SLX4: variants seen among roughly 807,000 people sequenced by gnomAD.
The protein encoded by SLX4 is structure-specific endonuclease subunit SLX4.
SLX4 carries 112 observed loss-of-function variants against 146.2 expected under a neutral mutation model. The observed-to-expected ratio is 0.77, with a 90% CI of 0.66 to 0.90. The LOEUF (loss-of-function observed/expected upper bound fraction) is 0.90. Among genes scored for constraint, SLX4 ranks in the 40% least tolerant of loss-of-function variants. SLX4 has a pLI of 0.00. For missense variants in SLX4, 2,563 were observed against 2,392.7 expected (o/e 1.07, Z -1.49); for synonymous variants, 1,061 against 997.7 (o/e 1.06, Z -1.20).
At position 3,594,602 on chromosome 16, in the gene SLX4, G is replaced by A. The variant is rs376615923; in HGVS notation, c.2014-3C>T. On this transcript the variant is annotated splice_polypyrimidine_tract_variant and splice_region_variant and intron_variant, in intron 9 of 14. Coordinates refer to ENST00000294008, the MANE Select transcript of SLX4 (RefSeq NM_032444.4). ...GCAACCAGCAGCCCGAGGGAGAGCTGAAGCAGGAGGAGAGGAAGAGCCGTC... is the reference window on the plus strand; with the variant it reads ...GCAACCAGCAGCCCGAGGGAGAGCTAAAGCAGGAGGAGAGGAAGAGCCGTC... The A allele has an allele frequency of 3.1e-5, 50 of 1,613,920 alleles. No individual in the cohort carries two copies. Among genetic ancestry groups the A allele is most frequent in the Middle Eastern group, 3.3e-4 (2 of 6,078 alleles).
Position 3,589,020 on chromosome 16 carries a change from C to G in SLX4, c.4618G>C (p.Glu1540Gln). Residue 1540 changes from glutamate to glutamine, a missense_variant, in exon 12 of 15, where the codon GAA becomes CAA. Coordinates refer to ENST00000294008, the MANE Select transcript of SLX4 (RefSeq NM_032444.4). The surrounding 1 kb of genome is among the most constrained non-coding windows in gnomAD (Gnocchi z 6.2). ...MPSAGGAQKP[E>Q]GLETPKGANR... ...TACTCACTGGGTGTCTCTAACCCTT[C>G]GGGCTTCTGAGCTCCACCAGCGCTT... 6.2e-7 allele frequency: 1 copy of G among 1,614,130 alleles called. No individual in the cohort carries two copies. Among genetic ancestry groups the G allele is most frequent in the Non-Finnish European group, 8.5e-7 (1 of 1,180,040 alleles).
intron 3 of SLX4, among the ~76,000 whole-genome samples, chr16:3,603,593 T>C (rs1159701617): frequency 6.6e-6 from 1 of 152,374 alleles, no homozygotes; most frequent in East Asian, 1.9e-4. Context: ...TGCAATGCAA[T>C]GCCAAGATCC....
Position 3,597,493 on chromosome 16 carries a change from A to G in SLX4, c.1569T>C (p.Pro523=), listed in dbSNP as rs2151131241. 1.9e-6 allele frequency: 3 copies of G among 1,614,040 alleles called. No individual in the cohort carries two copies. The East Asian group carries it at 6.7e-5, about 36-fold the overall frequency. Residue 523 remains proline, a synonymous_variant, in exon 7 of 15, where the codon CCT becomes CCC. Coordinates refer to ENST00000294008, the MANE Select transcript of SLX4 (RefSeq NM_032444.4). The surrounding 1 kb of genome is among the most constrained non-coding windows in gnomAD (Gnocchi z 4.4). ...WERAGQCPPP[P]ERKQSFLWEG... is the part of the protein sequence containing the mutation. ...CCCACAGAAAGCTCTGCTTGCGTTC[A>G]GGTGGAGGAGGACACTGGCCCGCTC...
At position 3,597,600 on chromosome 16, in the gene SLX4, C is replaced by T. The variant is rs2040677379; in HGVS notation, c.1462G>A (p.Ala488Thr). 7 of 1,614,008 alleles carry T rather than the reference C, an allele frequency of 4.3e-6. No homozygotes were observed. Among genetic ancestry groups the T allele is most frequent in the Non-Finnish European group, 5.9e-6 (7 of 1,180,044 alleles). Reference protein sequence around the residue: ...TTGRQIEDRVALLLSEEVELS... With the variant: ...TTGRQIEDRVTLLLSEEVELS... ...TCCACTTCCTCAGAGAGGAGCAGGG[C>T]CACACGGTCCTCTATCTGTCGGCCT... The change falls in exon 7 of 15, where the codon GCC becomes ACC. Residue 488 changes from alanine (A) to threonine (T), a missense_variant. Ala to Thr is a moderately conservative substitution (Grantham distance 58). Coordinates refer to ENST00000294008, the MANE Select transcript of SLX4 (RefSeq NM_032444.4). This position sits in a 1 kb window ranked among gnomAD's most constrained non-coding sequence, Gnocchi z 4.4.
Position 3,597,947 on chromosome 16 carries a change from C to G in SLX4, c.1216G>C (p.Glu406Gln), listed in dbSNP as rs779596439. The change falls in exon 6 of 15, where the codon GAG becomes CAG. Residue 406 changes from glutamate to glutamine, a missense_variant. Physicochemically the swap from Glu to Gln is conservative, Grantham distance 29. Coordinates refer to ENST00000294008, the MANE Select transcript of SLX4 (RefSeq NM_032444.4). The surrounding 1 kb of genome is among the most constrained non-coding windows in gnomAD (Gnocchi z 4.4). ...LKRRGPTSKKEPRKRRKVDEA... is the reference protein window; with the variant it reads ...LKRRGPTSKKQPRKRRKVDEA... ...TCCACCTTCCGCCTCTTCCGTGGCT[C>G]CTTCTTGCTGGTGGGTCCTCTCCGT... is the stretch of plus-strand genomic sequence containing the variant. 10 of 1,614,026 alleles carry G rather than the reference C, an allele frequency of 6.2e-6. No individual in the cohort carries two copies. The African/African-American group carries it at 9.3e-5, about 15-fold the overall frequency.
chr16:3,596,393 C>A lies in SLX4; in HGVS notation c.1684G>T (p.Gly562Cys), dbSNP rs1212409770. The change falls in exon 8 of 15, where the codon GGC (glycine) becomes TGC (cysteine). Residue 562 changes from glycine (G) to cysteine (C), a missense_variant and splice_region_variant. By Grantham distance (159) the Gly-to-Cys change is radical (BLOSUM62 -3). Transcript: ENST00000294008. ...GGCGGCACGGGCTCCTGCATAAGGC[C>A]CTGAAAGAAGCCAGTAAGGAGAGTG... ...PPLVPQRPAQ[G>C]LMQEPVPPLV... The A allele has an allele frequency of 6.3e-7, 1 of 1,590,474 alleles. No homozygotes were observed.
In SLX4 at chr16:3,589,130, G is replaced by C. The variant is rs370637700; in HGVS notation, c.4508C>G (p.Pro1503Arg). ...SGAGSLGNSR[P>R]SFLNSALWDV... ...CCACAGAGCCGAATTCAGAAAGCTC[G>C]GCCTGCTATTCCCCAGGGAGCCCGC... The change falls in exon 12 of 15, where the codon CCG (proline) becomes CGG (arginine). Residue 1503 changes from proline (P) to arginine (R), a missense_variant. Physicochemically the swap from Pro to Arg is moderately radical, Grantham distance 103 (BLOSUM62 -2). Coordinates refer to ENST00000294008, the MANE Select transcript of SLX4 (RefSeq NM_032444.4). This position sits in a 1 kb window ranked among gnomAD's most constrained non-coding sequence, Gnocchi z 6.2. The C allele has an allele frequency of 6.2e-7, 1 of 1,614,048 alleles. No individual in the cohort carries two copies. The highest frequency in any genetic ancestry group is 2.2e-5 in the East Asian group (1 of 44,878).
rs2151134853 is a variant in SLX4 at position 3,602,155 on chromosome 16, C to A, written c.913G>T (p.Ala305Ser). 6.2e-7 allele frequency: 1 copy of A among 1,614,150 alleles called. No homozygotes were observed. The highest frequency in any genetic ancestry group is 1.1e-5 in the South Asian group (1 of 91,092). Residue 305 changes from alanine to serine, a missense_variant, in exon 4 of 15, where the codon GCC becomes TCC. Ala to Ser is a moderately conservative substitution (Grantham distance 99, BLOSUM62 1). Coordinates refer to ENST00000294008, the MANE Select transcript of SLX4 (RefSeq NM_032444.4). ...FCQICQKNLS[A>S]MNVTRREQHV... ...TGTTCCCTTCGGGTCACGTTCATGGCTGAGAGGTTCTTTTGACAAATCTGG... is the reference window on the plus strand; with the variant it reads ...TGTTCCCTTCGGGTCACGTTCATGGATGAGAGGTTCTTTTGACAAATCTGG...
chr16:3,593,994 C>G (rs1247693273), intron 10 of SLX4, among the ~76,000 whole-genome samples: 1 of 152,130 alleles, frequency 6.6e-6, no homozygotes, highest in Non-Finnish European at 1.5e-5. Flanking sequence ...GCCTCAGCCT[C>G]CCGAGTAGCT....
chr16:3,604,673 T>C (rs1056828446), intron 3 of SLX4, among the ~76,000 whole-genome samples: 3 of 151,728 alleles, frequency 2.0e-5, no homozygotes, highest in Non-Finnish European at 4.4e-5. Flanking sequence ...ATACAAAAAT[T>C]AGCTGGACGT....
In SLX4 at chr16:3,597,246, C is replaced by T; in HGVS notation, c.1683+133G>A. On this transcript the variant is annotated intron_variant, in intron 7 of 14. Transcript: ENST00000294008. The surrounding 1 kb of genome is among the most constrained non-coding windows in gnomAD (Gnocchi z 4.4). ...AGAAAGCTGCAGCCACCAAGTGCCCCTCTGGCCTCCTCCCGCCTCTGCCTT... is the reference window on the plus strand; with the variant it reads ...AGAAAGCTGCAGCCACCAAGTGCCCTTCTGGCCTCCTCCCGCCTCTGCCTT... 1 of 1,036,764 alleles carries T rather than the reference C, an allele frequency of 9.6e-7. No homozygotes were observed. The highest frequency in any genetic ancestry group is 1.4e-6 in the Non-Finnish European group (1 of 732,976). 64.2% of individuals were successfully genotyped at this position (1,036,764 alleles called of 1,614,324 possible).
chr16:3,583,023 A>C, intron 14 of SLX4, 74 bp downstream of exon 14: 1 of 1,566,138 alleles, frequency 6.4e-7, no homozygotes, highest in Admixed American at 1.7e-5. Flanking sequence ...ATTAGGTCTC[A>C]CTCGTGCCAA....
intron 3 of SLX4, among the ~76,000 whole-genome samples, chr16:3,604,682 G>A (rs546918268): frequency 6.6e-6 from 1 of 151,972 alleles, no homozygotes; most frequent in East Asian, 2.0e-4. Flanking sequence ...TTAGCTGGAC[G>A]TGGTGGTGCA....
At chr16:3,593,584 C>T (rs866199580) in intron 10 of SLX4, among the ~76,000 whole-genome samples, 1 of 152,130 alleles carries the variant, frequency 6.6e-6, no homozygotes, top group African/African-American at 2.4e-5. Flanking sequence ...GATTTTTGGC[C>T]AATAATTTTA....
In SLX4 at chr16:3,583,194, C is replaced by T. The variant is rs751219957; in HGVS notation, c.5056G>A (p.Ala1686Thr). Residue 1686 changes from alanine (A) to threonine (T), a missense_variant, in exon 14 of 15, where the codon GCA (alanine) becomes ACA (threonine). Coordinates refer to ENST00000294008, the MANE Select transcript of SLX4 (RefSeq NM_032444.4). ...TPPSRSPTKE[A>T]PPGLNDDAQI... The stretch of plus-strand genomic sequence containing the variant: ...GCGTCATCATTGAGGCCTGGAGGTG[C>T]CTCCTTGGTGGGCGACCTGCTTGGG... 6.2e-6 allele frequency: 10 copies of T among 1,614,196 alleles called. No individual in the cohort carries two copies. Among genetic ancestry groups the T allele is most frequent in the Admixed American group, 3.3e-5 (2 of 60,016 alleles).
rs761781871 is a variant in SLX4, at chr16:3,591,229, C to T, written c.2409G>A (p.Lys803=). 1.2e-6 allele frequency: 2 copies of T among 1,613,734 alleles called. No homozygotes were observed. The highest frequency in any genetic ancestry group is 3.3e-5 in the Admixed American group (2 of 60,030). ...TDSEGKPWEE[K]EAENCESRAE... is the part of the protein sequence containing the mutation. ...CCCTGCTTTCGCAATTCTCTGCTTCCTTCTCCTCCCATGGTTTGCCCTCTG... is the reference window on the plus strand; with the variant it reads ...CCCTGCTTTCGCAATTCTCTGCTTCTTTCTCCTCCCATGGTTTGCCCTCTG... The change falls in exon 12 of 15, where the codon AAG becomes AAA. Residue 803 remains lysine, a synonymous_variant. Transcript: ENST00000294008.
At chr16:3,593,657 G>A (rs913680739) in intron 10 of SLX4, among the ~76,000 whole-genome samples, 2 of 152,128 alleles carry the variant, frequency 1.3e-5, no homozygotes, top group Non-Finnish European at 2.9e-5. Context: ...CCAGGACCCC[G>A]TTAAGAGTCC....
Position 3,611,546 on chromosome 16 carries a change from C to T in SLX4, c.-603+14G>A, listed in dbSNP as rs2040875265. Reference sequence around the variant, plus strand: ...GGGTGCCGACTCCCAGCCCCACAGCCCGGCTCCTCCTACCTCCGGCGCCGC... The same window carrying T: ...GGGTGCCGACTCCCAGCCCCACAGCTCGGCTCCTCCTACCTCCGGCGCCGC... On this transcript the variant is annotated intron_variant, in intron 1 of 14. Transcript: ENST00000294008. 1 of 152,650 alleles carries T rather than the reference C, an allele frequency of 6.6e-6. No homozygotes were observed. Among genetic ancestry groups the T allele is most frequent in the South Asian group, 2.1e-4 (1 of 4,842 alleles). 9.5% of individuals were successfully genotyped at this position (152,650 alleles called of 1,614,324 possible).
Position 3,590,929 on chromosome 16 carries a change from C to T in SLX4, c.2709G>A (p.Val903=), listed in dbSNP as rs1242349519. ...GVQVQKQWDK[V]EEMEPLEPGR... ...CTGGCTCCAACGGCTCCATCTCCTC[C>T]ACCTTGTCCCACTGTTTCTGCACCT... is the stretch of plus-strand genomic sequence containing the variant. The change falls in exon 12 of 15, where the codon GTG becomes GTA. Residue 903 remains valine (V), a synonymous_variant. Coordinates refer to ENST00000294008, the MANE Select transcript of SLX4 (RefSeq NM_032444.4). This position sits in a 1 kb window ranked among gnomAD's most constrained non-coding sequence, Gnocchi z 4.8. The T allele has an allele frequency of 2.5e-6, 4 of 1,614,170 alleles. No homozygotes were observed. In the Admixed American group the frequency reaches 5.0e-5, roughly 20 times the overall value.
Sources: gnomAD v4.1 joint callset for allele counts (sites outside exome capture counted in the v4.1 genomes callset) on GRCh38, gnomAD v4.1.1 for gene constraint, Gnocchi (gnomAD v3.1) non-coding constraint, MANE v1.5 for transcripts, NCBI Gene and HGNC (gene_info 2026-07-23, HGNC 2026-07-21) for gene names.